SLC6A11: variants seen among roughly 807,000 people sequenced by gnomAD.
The protein encoded by SLC6A11 is solute carrier family 6 member 11, also known as sodium- and chloride-dependent GABA transporter 3.
A neutral mutation model predicts 74.8 loss-of-function variants in SLC6A11; 25 were observed. The ratio of observed to expected loss-of-function variants is 0.33; its 90% CI spans 0.24 to 0.47. The LOEUF (loss-of-function observed/expected upper bound fraction) is 0.47, where lower values mean the gene tolerates loss of function less well. Ranked by LOEUF, SLC6A11 falls within the 20% of genes least tolerant of loss-of-function variation. The probability of loss-of-function intolerance (pLI) is 1.00; values close to 1 mark genes in which losing one functional copy is unlikely to be tolerated. For synonymous variants in SLC6A11, 330 were observed against 330.2 expected, an observed-to-expected ratio of 1.00 and a Z score of 0.01; for missense variants, 574 against 837.0, an observed-to-expected ratio of 0.69 and a Z score of 3.88.
intron 6 of SLC6A11, among the ~76,000 whole-genome samples, chr3:10,888,099 T>C (rs1477215683): frequency 6.6e-6 from 1 of 152,234 alleles, no homozygotes. Context: ...ATGAAGAGTA[T>C]GAGTTTTCAG....
intron 4 of SLC6A11, among the ~76,000 whole-genome samples, chr3:10,838,041 C>T (rs917763102): frequency 8.7e-4 from 132 of 152,276 alleles, no homozygotes; most frequent in Non-Finnish European, 5.9e-4. Context: ...GCTTTTAGGG[C>T]GGTCTCCAGG....
chr3:10,873,456 CATG>C (rs1575684163), intron 5 of SLC6A11, among the ~76,000 whole-genome samples: 9 of 92,528 alleles, frequency 9.7e-5, no homozygotes, highest in African/African-American at 3.1e-4. Context: ...TATCCTATGG[CATG>C]CTATCCTACC....
intron 5 of SLC6A11, among the ~76,000 whole-genome samples, chr3:10,868,290 A>G (rs1034531545): frequency 6.6e-6 from 1 of 152,096 alleles, no homozygotes; most frequent in Admixed American, 6.5e-5. Flanking sequence ...AATTGACTCC[A>G]TTATCCTGGA....
At chr3:10,872,956 T>G (rs1213543726) in intron 5 of SLC6A11, among the ~76,000 whole-genome samples, 1 of 152,170 alleles carries the variant, frequency 6.6e-6, no homozygotes, top group Non-Finnish European at 1.5e-5. Context: ...GACAAGTTGC[T>G]GATCTGAACA....
intron 10 of SLC6A11, among the ~76,000 whole-genome samples, chr3:10,932,435 C>T (rs1166177115): frequency 6.6e-6 from 1 of 152,192 alleles, no homozygotes; most frequent in African/African-American, 2.4e-5. Context: ...ACCTACTGTG[C>T]ACCAGCCCCA....
intron 6 of SLC6A11, among the ~76,000 whole-genome samples, chr3:10,906,354 G>T (rs1436847093): frequency 1.3e-5 from 2 of 152,156 alleles, no homozygotes; most frequent in East Asian, 1.9e-4. Context: ...GCACAATTAG[G>T]TATCACCATG....
intron 8 of SLC6A11, among the ~76,000 whole-genome samples, chr3:10,920,642 T>A (rs1286778431): frequency 1.3e-5 from 2 of 152,210 alleles, no homozygotes; most frequent in Non-Finnish European, 2.9e-5. Context: ...GGGCCTCCAC[T>A]CGTGGCTGTG....
At chr3:10,869,612 T>C (rs1009531395) in intron 5 of SLC6A11, among the ~76,000 whole-genome samples, 2 of 152,188 alleles carry the variant, frequency 1.3e-5, no homozygotes, top group Non-Finnish European at 2.9e-5. Flanking sequence ...AACCTGGTAG[T>C]CTGGGGAAGG....
At chr3:10,830,743 G>A (rs544571952) in intron 4 of SLC6A11, among the ~76,000 whole-genome samples, 1 of 152,102 alleles carries the variant, frequency 6.6e-6, no homozygotes, top group African/African-American at 2.4e-5. Flanking sequence ...GGCTGTTTGG[G>A]GAATGGCAAG....
At chr3:10,835,208 G>T (rs925211780) in intron 4 of SLC6A11, among the ~76,000 whole-genome samples, 1 of 152,130 alleles carries the variant, frequency 6.6e-6, no homozygotes, top group Non-Finnish European at 1.5e-5. Flanking sequence ...GCTTCCCCTC[G>T]GGCACATGTG....
intron 3 of SLC6A11, 93 bp from the exon 4 acceptor site, chr3:10,823,209 A>C: frequency 1.2e-6 from 1 of 863,252 alleles, no homozygotes; most frequent in East Asian, 2.5e-5. Flanking sequence ...GTAGATGAAA[A>C]TGCCTAGTTG....
intron 6 of SLC6A11, among the ~76,000 whole-genome samples, chr3:10,876,640 C>A (rs1694909693): frequency 1.3e-5 from 2 of 150,880 alleles, no homozygotes; most frequent in Admixed American, 1.3e-4. Flanking sequence ...TCTGTGATGG[C>A]ACCTGGGCAT....
At chr3:10,843,123 A>C (rs1694459084) in intron 4 of SLC6A11, among the ~76,000 whole-genome samples, 1 of 152,128 alleles carries the variant, frequency 6.6e-6, no homozygotes, top group African/African-American at 2.4e-5. Context: ...ATAGTTCTGC[A>C]CAATATGGAG....
chr3:10,929,349 A>G lies in SLC6A11; in HGVS notation c.1371+10A>G. The G allele has an allele frequency of 6.2e-7, 1 of 1,613,622 alleles. No individual in the cohort carries two copies. The highest frequency in any genetic ancestry group is 8.5e-7 in the Non-Finnish European group (1 of 1,179,772). ...CGTGATGTTAACAGAGGTGAGTGGC[A>G]TGGTTCGGGCCGCACGGGGTGAAGT... On this transcript the variant is annotated intron_variant, in intron 10 of 13. Coordinates refer to ENST00000254488, the MANE Select transcript of SLC6A11 (RefSeq NM_014229.3).
At chr3:10,887,812 T>G (rs1695063018) in intron 6 of SLC6A11, among the ~76,000 whole-genome samples, 1 of 152,194 alleles carries the variant, frequency 6.6e-6, no homozygotes, top group Non-Finnish European at 1.5e-5. Context: ...GAAGCAAAGA[T>G]CAGAGGTGGA....
chr3:10,862,335 T>C (rs755905854), intron 5 of SLC6A11, among the ~76,000 whole-genome samples: 3 of 152,202 alleles, frequency 2.0e-5, no homozygotes, highest in Non-Finnish European at 4.4e-5. Context: ...TGTTTTCATT[T>C]TGGGTTTGTT....
In SLC6A11 at chr3:10,938,516, T is replaced by C. The variant is rs900763549; in HGVS notation, c.*114T>C. 11 of 1,151,032 alleles carry C rather than the reference T, an allele frequency of 9.6e-6. No homozygotes were observed. Among genetic ancestry groups the C allele is most frequent in the East Asian group, 2.5e-5 (1 of 40,332 alleles). 71.3% of individuals were successfully genotyped at this position (1,151,032 alleles called of 1,614,324 possible). ...GGGGCTTGCTTGTTTTGCACAGGAT[T>C]AATTAACAAGTTAATTTTAAGGTGG... On this transcript the variant is annotated 3_prime_UTR_variant, in exon 14 of 14. Coordinates refer to ENST00000254488, the MANE Select transcript of SLC6A11 (RefSeq NM_014229.3).
At chr3:10,937,280 C>G (rs1695770223) in intron 13 of SLC6A11, among the ~76,000 whole-genome samples, 1 of 152,204 alleles carries the variant, frequency 6.6e-6, no homozygotes, top group Non-Finnish European at 1.5e-5. Flanking sequence ...AGCCTGGACA[C>G]AAACCCAGGC....
chr3:10,830,351 G>T (rs1229063305), intron 4 of SLC6A11, among the ~76,000 whole-genome samples: 1 of 152,210 alleles, frequency 6.6e-6, no homozygotes, highest in African/African-American at 2.4e-5. Context: ...TTAGATCCTA[G>T]GGGCTAAGGG....
Sources: allele counts gnomAD v4.1 joint callset (sites outside exome capture counted in the v4.1 genomes callset), GRCh38; gene constraint gnomAD v4.1.1; transcripts MANE v1.5; gene names NCBI Gene and HGNC (gene_info 2026-07-23, HGNC 2026-07-21).